Variants in C2CD3 observed in about 807,000 individuals in gnomAD.
C2CD3 encodes the protein C2 domain-containing protein 3.
C2CD3 carries 148 observed loss-of-function variants against 234.0 expected under a neutral mutation model. That is an observed-to-expected ratio of 0.63 (90% confidence interval 0.55 to 0.72). C2CD3 has a LOEUF of 0.72. C2CD3 is among the 30% of genes least tolerant of loss of function. The pLI is 0.00. For synonymous variants in C2CD3, 1,000 were observed against 1,035.4 expected (o/e 0.97, Z 0.66); for missense variants, 2,577 against 2,811.5 (o/e 0.92, Z 1.89).
At chr11:74,070,449 C>T (rs1044722479) in intron 24 of C2CD3, 1 of 152,210 alleles carries the variant, frequency 6.6e-6, no homozygotes. Context: ...ACTCTGAGAA[C>T]ACTATTAAGG....
At chr11:74,014,411 A>G (rs144567086) in intron 32 of C2CD3, among the ~76,000 whole-genome samples, 83 of 152,274 alleles carry the variant, frequency 5.5e-4, no homozygotes, top group Non-Finnish European at 9.8e-4. Flanking sequence ...AAGCTGAAGG[A>G]CTATTGAGAG....
chr11:74,097,883 G>A (rs986108978), intron 16 of C2CD3, 126 bp downstream of exon 16: 48 of 856,282 alleles, frequency 5.6e-5, no homozygotes, highest in Admixed American at 8.0e-5. Context: ...AGGAAGCACT[G>A]GAGTGCACAT....
chr11:74,125,469 A>G (rs1957380838), intron 7 of C2CD3, among the ~76,000 whole-genome samples: 1 of 152,150 alleles, frequency 6.6e-6, no homozygotes, highest in Non-Finnish European at 1.5e-5. Flanking sequence ...CTATATTTTG[A>G]AGTGACACAT....
chr11:74,084,667 T>C (rs2135474321), intron 22 of C2CD3, among the ~76,000 whole-genome samples: 1 of 152,076 alleles, frequency 6.6e-6, no homozygotes, highest in Non-Finnish European at 1.5e-5. Context: ...TGAAATGAAG[T>C]ATTCCCGATT....
At chr11:74,113,051 G>A (rs1956797537) in intron 11 of C2CD3, 1 of 152,252 alleles carries the variant, frequency 6.6e-6, no homozygotes. Flanking sequence ...TAACACGAAT[G>A]TCCAGCAACT....
chr11:74,050,729 CCTTTAGACTGG>C (rs1953637403), intron 26 of C2CD3, among the ~76,000 whole-genome samples: 5 of 146,886 alleles, frequency 3.4e-5, no homozygotes, highest in African/African-American at 1.4e-4. Flanking sequence ...AGCTTGCTGT[CCTTTAGACTGG>C]AACCTAGCTA....
intron 3 of C2CD3, among the ~76,000 whole-genome samples, chr11:74,145,270 G>A (rs1325167752): frequency 6.6e-6 from 1 of 152,182 alleles, no homozygotes; most frequent in Non-Finnish European, 1.5e-5. Context: ...TCTGACTGGT[G>A]TAAGCCATTC....
At chr11:74,054,915 A>G (rs752979682) in intron 25 of C2CD3, among the ~76,000 whole-genome samples, 1 of 151,990 alleles carries the variant, frequency 6.6e-6, no homozygotes, top group Non-Finnish European at 1.5e-5. Context: ...CCTCCCCACC[A>G]CTCCCAAAGT....
Position 74,169,288 on chromosome 11 carries a change from G to T in C2CD3, c.56-675C>A, listed in dbSNP as rs979687968. Among the ~76,000 whole-genome samples the T allele has an allele frequency of 2.6e-5, 4 of 152,054 alleles. No homozygotes were observed. In the East Asian group the frequency reaches 5.8e-4, roughly 22 times the overall value. On this transcript the variant is annotated intron_variant, in intron 1 of 32. Transcript: ENST00000334126. ...ATATTTATTGGCTTTAGTATTTATTGGGTTTCATAAAGACATTAAAGTGTA... is the reference window on the plus strand; with the variant it reads ...ATATTTATTGGCTTTAGTATTTATTTGGTTTCATAAAGACATTAAAGTGTA...
intron 25 of C2CD3, among the ~76,000 whole-genome samples, chr11:74,057,047 T>A (rs1277082636): frequency 2.6e-5 from 4 of 152,012 alleles, no homozygotes; most frequent in Non-Finnish European, 5.9e-5. Flanking sequence ...TACAGGCATG[T>A]GTCACCAAAC....
chr11:74,042,719 C>T (rs113514003), intron 28 of C2CD3, among the ~76,000 whole-genome samples: 2,245 of 151,656 alleles, frequency 0.015, 23 homozygotes, highest in Non-Finnish European at 0.023. Context: ...TGCCACTGCA[C>T]TCCAGCCTGG....
chr11:74,013,558 G>T, intron 32 of C2CD3, 33 bp from the exon 33 acceptor site: 1 of 1,287,798 alleles, frequency 7.8e-7, no homozygotes, highest in Non-Finnish European at 9.9e-7. Flanking sequence ...GGTTACCACT[G>T]AGGATATGGC....
intron 3 of C2CD3, among the ~76,000 whole-genome samples, chr11:74,155,695 C>CA (rs1306150631): frequency 6.6e-6 from 1 of 152,084 alleles, no homozygotes; most frequent in Non-Finnish European, 1.5e-5. Flanking sequence ...GGCAAATACA[C>CA]AGAGACAGAA....
At chr11:74,105,172 G>A (rs986296592) in intron 13 of C2CD3, among the ~76,000 whole-genome samples, 3 of 152,166 alleles carry the variant, frequency 2.0e-5, no homozygotes, top group Non-Finnish European at 4.4e-5. Flanking sequence ...AGCTGTAAGA[G>A]AGAAGGTTGA....
rs968163122 is a variant in C2CD3 at position 74,118,207 on chromosome 11, TAAAC to T, written c.1520+17_1520+20del. On this transcript the variant is annotated intron_variant, in intron 9 of 32. Transcript: ENST00000334126. ...ACATTCCTTTGTGTTTACCTTTAAATAAACAGTCAGAGCAGCTCACCTATTTCTC... is the reference window on the plus strand; with the variant it reads ...ACATTCCTTTGTGTTTACCTTTAAATAGTCAGAGCAGCTCACCTATTTCTC... 2.5e-6 allele frequency: 4 copies of T among 1,598,982 alleles called. No individual in the cohort carries two copies. Among genetic ancestry groups the T allele is most frequent in the Admixed American group, 3.5e-5 (2 of 57,226 alleles).
intron 30 of C2CD3, chr11:74,034,701 A>C: frequency 9.8e-7 from 1 of 1,021,604 alleles, no homozygotes; most frequent in Non-Finnish European, 1.5e-6. Context: ...AAAAGCAAGG[A>C]AATATCTATC....
At chr11:74,162,403 A>T (rs1331946042) in intron 2 of C2CD3, among the ~76,000 whole-genome samples, 1 of 152,202 alleles carries the variant, frequency 6.6e-6, no homozygotes, top group African/African-American at 2.4e-5. Context: ...AAGATACACA[A>T]GAGACTGGTA....
intron 15 of C2CD3, among the ~76,000 whole-genome samples, chr11:74,099,956 C>A (rs560488040): frequency 2.1e-4 from 32 of 151,548 alleles, no homozygotes; most frequent in Non-Finnish European, 3.7e-4. Context: ...AATGAAATAA[C>A]CTTCAGGTTA....
intron 24 of C2CD3, among the ~76,000 whole-genome samples, chr11:74,071,168 C>T (rs911336642): frequency 6.6e-6 from 1 of 152,206 alleles, no homozygotes; most frequent in African/African-American, 2.4e-5. Context: ...CTTCATGATG[C>T]AGCAAAGCAA....
Sources: gnomAD v4.1 joint callset for allele counts (sites outside exome capture counted in the v4.1 genomes callset) on GRCh38, gnomAD v4.1.1 for gene constraint, MANE v1.5 for transcripts, NCBI Gene and HGNC (gene_info 2026-07-23, HGNC 2026-07-21) for gene names.